OSBP2: variants seen among roughly 807,000 people sequenced by gnomAD.
The protein encoded by OSBP2 is oxysterol-binding protein 2.
In OSBP2, 66 loss-of-function variants were observed where a neutral mutation model predicts 96.0. That is an observed-to-expected ratio of 0.69 (90% confidence interval 0.56 to 0.84). The LOEUF (loss-of-function observed/expected upper bound fraction) is 0.84. Ranked by LOEUF, OSBP2 falls within the 40% of genes least tolerant of loss-of-function variation. The pLI, the probability that OSBP2 is intolerant of heterozygous loss-of-function variation, is 0.00. For missense variants in OSBP2, 1,038 were observed against 1,222.7 expected (o/e 0.85, Z 2.25); for synonymous variants, 525 against 520.9 (o/e 1.01, Z -0.11).
chr22:30,896,015 G>GT (rs1467325211), intron 12 of OSBP2, among the ~76,000 whole-genome samples: 1 of 151,300 alleles, frequency 6.6e-6, no homozygotes, highest in Non-Finnish European at 1.5e-5. Context: ...GGTTTTGTTT[G>GT]TTTTTTTGTT....
intron 2 of OSBP2, among the ~76,000 whole-genome samples, chr22:30,833,870 C>A (rs1175146657): frequency 6.6e-6 from 1 of 152,132 alleles, no homozygotes; most frequent in Non-Finnish European, 1.5e-5. Flanking sequence ...TATAGTAGGG[C>A]AGATCTTCTC....
At chr22:30,694,151 A>C (rs1251614461), upstream of OSBP2, 4 of 1,549,964 alleles carry the variant, frequency 2.6e-6, no homozygotes, top group Non-Finnish European at 3.5e-6. Flanking sequence ...TCCCACTTTG[A>C]GATGTTTCTT....
intron 3 of OSBP2, chr22:30,872,428 GCA>G (rs766403390): frequency 2.0e-5 from 9 of 455,136 alleles, no homozygotes; most frequent in Admixed American, 7.1e-5. Flanking sequence ...CTGCCGTCTT[GCA>G]CAGTCTTTTA....
intron 1 of OSBP2, among the ~76,000 whole-genome samples, chr22:30,719,699 A>G (rs1174258961): frequency 2.0e-5 from 3 of 151,178 alleles, no homozygotes; most frequent in Admixed American, 6.6e-5. Context: ...GGTTGCAGTG[A>G]GCTGAGATGG....
chr22:30,844,122 G>C (rs529411108), intron 2 of OSBP2, among the ~76,000 whole-genome samples: 1 of 152,114 alleles, frequency 6.6e-6, no homozygotes, highest in African/African-American at 2.4e-5. Flanking sequence ...CAATCTGCTC[G>C]CTTTGGCCTC....
intron 2 of OSBP2, among the ~76,000 whole-genome samples, chr22:30,842,434 T>C (rs2038772268): frequency 6.6e-6 from 1 of 152,126 alleles, no homozygotes. Context: ...TTGCTGAAGG[T>C]TGGGGTGGTT....
chr22:30,897,415 T>G (rs2040089679), intron 12 of OSBP2, among the ~76,000 whole-genome samples: 1 of 152,206 alleles, frequency 6.6e-6, no homozygotes, highest in African/African-American at 2.4e-5. Flanking sequence ...TTTTCTCAAG[T>G]ATACATGGAA....
chr22:30,806,039 G>A (rs1234456091), intron 2 of OSBP2, among the ~76,000 whole-genome samples: 1 of 152,202 alleles, frequency 6.6e-6, no homozygotes, highest in African/African-American at 2.4e-5. Context: ...GGTAATAGCA[G>A]CTAAAATGGG....
At chr22:30,865,655 AAGAC>A (rs1377345149) in intron 2 of OSBP2, among the ~76,000 whole-genome samples, 3 of 149,186 alleles carry the variant, frequency 2.0e-5, no homozygotes, top group African/African-American at 7.3e-5. Context: ...AAAAAAAAAA[AAGAC>A]AGTTTTGTGC....
At chr22:30,843,266 A>G (rs1455289884) in intron 2 of OSBP2, among the ~76,000 whole-genome samples, 1 of 152,078 alleles carries the variant, frequency 6.6e-6, no homozygotes, top group Non-Finnish European at 1.5e-5. Flanking sequence ...ATGAATCACC[A>G]ATGTTCTTAA....
At chr22:30,867,936 G>A (rs767214808) in intron 2 of OSBP2, among the ~76,000 whole-genome samples, 1 of 152,248 alleles carries the variant, frequency 6.6e-6, no homozygotes, top group Non-Finnish European at 1.5e-5. Flanking sequence ...GGGGCTGGCC[G>A]TTCTGGTTAT....
intron 1 of OSBP2, among the ~76,000 whole-genome samples, chr22:30,701,037 G>T (rs2089152148): frequency 6.6e-6 from 1 of 151,830 alleles, no homozygotes; most frequent in South Asian, 2.1e-4. Flanking sequence ...AGAGGTTGCA[G>T]TGAGCCGAGA....
At chr22:30,891,088 A>C in intron 8 of OSBP2, 115 bp downstream of exon 8, 1 of 1,283,744 alleles carries the variant, frequency 7.8e-7, no homozygotes, top group South Asian at 1.4e-5. Context: ...GACTGCCCAT[A>C]CCCAAGGGGC....
At chr22:30,742,230 A>C (rs1043979179) in intron 2 of OSBP2, among the ~76,000 whole-genome samples, 9 of 150,774 alleles carry the variant, frequency 6.0e-5, no homozygotes, top group Admixed American at 2.6e-4. Flanking sequence ...CAGGAGTTTG[A>C]GACCAGCCTA....
At chr22:30,856,452 T>C (rs1417903149) in intron 2 of OSBP2, among the ~76,000 whole-genome samples, 1 of 147,952 alleles carries the variant, frequency 6.8e-6, no homozygotes, top group East Asian at 2.0e-4. Flanking sequence ...AGTGGCATGA[T>C]GTCAGCTCAC....
intron 1 of OSBP2, among the ~76,000 whole-genome samples, chr22:30,722,461 G>GT (rs1569096664): frequency 2.0e-5 from 3 of 152,034 alleles, no homozygotes; most frequent in East Asian, 1.9e-4. Context: ...TCTCTTTAGA[G>GT]TTTTTTTAAA....
At chr22:30,702,597 G>A (rs2089181531) in intron 1 of OSBP2, among the ~76,000 whole-genome samples, 1 of 152,166 alleles carries the variant, frequency 6.6e-6, no homozygotes, top group South Asian at 2.1e-4. Flanking sequence ...CTGGGTGACA[G>A]AGTGAGACTC....
intron 8 of OSBP2, 66 bp downstream of exon 8, chr22:30,891,039 C>A (rs1352572032): frequency 7.8e-6 from 12 of 1,547,458 alleles, no homozygotes; most frequent in Non-Finnish European, 1.0e-5. Context: ...TCCTGCCAGG[C>A]CCAAGGTGAC....
At chr22:30,711,069 G>A (rs2089338700) in intron 1 of OSBP2, among the ~76,000 whole-genome samples, 1 of 152,120 alleles carries the variant, frequency 6.6e-6, no homozygotes, top group South Asian at 2.1e-4. Context: ...TCCCAGGCCT[G>A]GAGTCAGCCA....
Sources: allele counts gnomAD v4.1 joint callset (sites outside exome capture counted in the v4.1 genomes callset), GRCh38; gene constraint gnomAD v4.1.1; transcripts MANE v1.5; gene names NCBI Gene and HGNC (gene_info 2026-07-23, HGNC 2026-07-21).